The following C12orf54 variants were observed in gnomAD, a reference collection of about 807,000 sequenced individuals.
C12orf54 encodes the protein chromosome 12 open reading frame 54.
A neutral mutation model predicts 26.4 loss-of-function variants in C12orf54; 24 were observed. That is an observed-to-expected ratio of 0.91 (90% CI 0.66 to 1.28). The LOEUF (loss-of-function observed/expected upper bound fraction) is 1.28, where lower values mean the gene tolerates loss of function less well. C12orf54 is among the 50% of genes most tolerant of loss of function. The probability of loss-of-function intolerance (pLI) is 0.00; values close to 1 mark genes in which losing one functional copy is unlikely to be tolerated. For missense variants in C12orf54, 154 were observed against 150.9 expected (o/e 1.02, Z -0.11); for synonymous variants, 54 against 47.0 (o/e 1.15, Z -0.61).
chr12:48,443,611 A>G, the C12orf54 span, among the ~76,000 whole-genome samples: 2 of 152,338 alleles, frequency 1.3e-5, no homozygotes, highest in Non-Finnish European at 2.9e-5. Flanking sequence ...ATATAGGAAC[A>G]TACTCCAGTC....
At chr12:48,439,117 C>G in the C12orf54 span, among the ~76,000 whole-genome samples, 1 of 152,170 alleles carries the variant, frequency 6.6e-6, no homozygotes, top group Non-Finnish European at 1.5e-5. Context: ...CAAAAGAAGA[C>G]ATTTATGCAG....
chr12:48,479,337 G>A (rs984774264), upstream of C12orf54, among the ~76,000 whole-genome samples: 4 of 152,220 alleles, frequency 2.6e-5, no homozygotes, highest in South Asian at 2.1e-4. Context: ...ACAGGAAGGG[G>A]AACATCACAC....
chr12:48,478,083 C>A (rs541731221), upstream of C12orf54, among the ~76,000 whole-genome samples: 7 of 152,204 alleles, frequency 4.6e-5, no homozygotes, highest in Non-Finnish European at 8.8e-5. Context: ...GGATGCAAGG[C>A]TGGTTCAACA....
At chr12:48,433,696 C>T in the C12orf54 span, among the ~76,000 whole-genome samples, 1 of 152,294 alleles carries the variant, frequency 6.6e-6, no homozygotes, top group East Asian at 1.9e-4. Context: ...ATCTGCCCAC[C>T]TTGGCCTCCC....
the C12orf54 span, among the ~76,000 whole-genome samples, chr12:48,420,873 T>G: frequency 1.8e-3 from 276 of 152,292 alleles, no homozygotes; most frequent in African/African-American, 6.1e-3. Flanking sequence ...TGGTGCCACA[T>G]TTGCTTGTAT....
chr12:48,462,898 C>T, the C12orf54 span, among the ~76,000 whole-genome samples: 1 of 151,656 alleles, frequency 6.6e-6, no homozygotes, highest in Admixed American at 6.6e-5. Context: ...CTAACCAGTA[C>T]AATTAGGACA....
the C12orf54 span, among the ~76,000 whole-genome samples, chr12:48,440,629 T>G: frequency 2.0e-5 from 3 of 152,196 alleles, no homozygotes; most frequent in African/African-American, 7.2e-5. Context: ...AGCTGGTGAA[T>G]CATCTCTGGT....
chr12:48,474,447 A>G, the C12orf54 span, among the ~76,000 whole-genome samples: 19 of 152,316 alleles, frequency 1.2e-4, no homozygotes, highest in Non-Finnish European at 2.1e-4. Context: ...GCGAGGCATC[A>G]TCTCACCCAG....
the C12orf54 span, among the ~76,000 whole-genome samples, chr12:48,429,921 A>G: frequency 1.3e-5 from 2 of 152,236 alleles, no homozygotes; most frequent in African/African-American, 2.4e-5. Context: ...ACTATACTAT[A>G]GGACCGTAGT....
At chr12:48,436,104 C>T in the C12orf54 span, among the ~76,000 whole-genome samples, 1 of 152,116 alleles carries the variant, frequency 6.6e-6, no homozygotes, top group Non-Finnish European at 1.5e-5. Context: ...GCAAGGGTTG[C>T]AATCCTAGTC....
the C12orf54 span, among the ~76,000 whole-genome samples, chr12:48,447,751 T>C: frequency 1.3e-5 from 2 of 152,112 alleles, no homozygotes; most frequent in Non-Finnish European, 2.9e-5. Flanking sequence ...GCAAAAGAGA[T>C]TTTGCAGATG....
At chr12:48,488,835 C>T in intron 4 of C12orf54, 89 bp from the exon 5 acceptor site, 1 of 1,114,834 alleles carries the variant, frequency 9.0e-7, no homozygotes, top group Non-Finnish European at 1.4e-6. Flanking sequence ...GGCTAGGAGA[C>T]TAGGTAACTT....
chr12:48,485,905 A>G (rs1388779745), intron 2 of C12orf54, among the ~76,000 whole-genome samples: 1 of 152,160 alleles, frequency 6.6e-6, no homozygotes, highest in Non-Finnish European at 1.5e-5. Context: ...ACAAGGTTTA[A>G]TGACAGTGTC....
rs1458303859 is a variant in C12orf54 at position 48,488,919 on chromosome 12, G to T, written c.136-5G>T. 5.0e-6 allele frequency: 8 copies of T among 1,604,282 alleles called. No individual in the cohort carries two copies. Among genetic ancestry groups the T allele is most frequent in the Non-Finnish European group, 6.8e-6 (8 of 1,171,684 alleles). ...TATTTTTTCTATATTTTTGTCTTCT[G>T]TCAGGTGCTGACAGTTTTTAAGGAT... On this transcript the variant is annotated splice_polypyrimidine_tract_variant and splice_region_variant and intron_variant, in intron 4 of 8. Transcript: ENST00000548364.
the C12orf54 span, among the ~76,000 whole-genome samples, chr12:48,438,761 G>T: frequency 6.6e-6 from 1 of 152,098 alleles, no homozygotes; most frequent in Non-Finnish European, 1.5e-5. Flanking sequence ...AATTCCAGAT[G>T]GATTAAAGAC....
At chr12:48,493,087 G>C in intron 7 of C12orf54, 92 bp downstream of exon 7, 1 of 1,188,464 alleles carries the variant, frequency 8.4e-7, no homozygotes, top group East Asian at 2.4e-5. Context: ...TCTGAGCCTT[G>C]AGCCTTCAGA....
intron 4 of C12orf54, chr12:48,488,419 G>T: frequency 6.8e-6 from 3 of 442,336 alleles, no homozygotes; most frequent in Admixed American, 2.8e-5. Context: ...TTTGTTCATG[G>T]ATGTGGTCAT....
chr12:48,433,575 G>A, the C12orf54 span, among the ~76,000 whole-genome samples: 2 of 151,938 alleles, frequency 1.3e-5, no homozygotes, highest in Non-Finnish European at 2.9e-5. Flanking sequence ...AGCCTCCTGA[G>A]TAGCTGGGAC....
At chr12:48,492,485 T>C (rs1192822324) in intron 6 of C12orf54, among the ~76,000 whole-genome samples, 2 of 152,172 alleles carry the variant, frequency 1.3e-5, no homozygotes, top group East Asian at 3.9e-4. Flanking sequence ...ACCCACCTGA[T>C]TACCTGGGCT....
Sources: gnomAD v4.1 joint callset for allele counts (sites outside exome capture counted in the v4.1 genomes callset) on GRCh38, gnomAD v4.1.1 for gene constraint, MANE v1.5 for transcripts, NCBI Gene and HGNC (gene_info 2026-07-23, HGNC 2026-07-21) for gene names.